The following SMAD6 variants were observed in gnomAD, a reference collection of about 807,000 sequenced individuals.
SMAD6 encodes the protein MAD homolog 6.
A neutral mutation model predicts 39.4 loss-of-function variants in SMAD6; 103 were observed. The ratio of observed to expected loss-of-function variants is 2.62; its 90% CI spans 2.23 to 3.08. The LOEUF (loss-of-function observed/expected upper bound fraction) is 3.08, where lower values mean the gene tolerates loss of function less well. Among genes scored for constraint, SMAD6 ranks in the 30% most tolerant of loss-of-function variants. The pLI is 0.00. For synonymous variants in SMAD6, 445 were observed against 353.3 expected (o/e 1.26, Z -2.91); for missense variants, 1,104 against 742.9 (o/e 1.49, Z -5.65).
At chr15:66,707,103 C>G (rs188628789) in intron 1 of SMAD6, 111 of 152,296 alleles carry the variant, frequency 7.3e-4, no homozygotes, top group African/African-American at 2.5e-3. Context: ...CTGCCTCCCC[C>G]TTGGGTGTCT....
intron 2 of SMAD6, among the ~76,000 whole-genome samples, chr15:66,716,132 G>A (rs1005898294): frequency 6.6e-6 from 1 of 152,146 alleles, no homozygotes; most frequent in Non-Finnish European, 1.5e-5. Context: ...CTACTTGCTC[G>A]GTCCCCTGAA....
intron 3 of SMAD6, among the ~76,000 whole-genome samples, chr15:66,770,312 G>A (rs1415303727): frequency 1.3e-5 from 2 of 152,192 alleles, no homozygotes; most frequent in East Asian, 3.9e-4. Flanking sequence ...TGCCTGAGAT[G>A]AGAACTCAGG....
chr15:66,710,169 G>A (rs1190097538), intron 1 of SMAD6, among the ~76,000 whole-genome samples: 2 of 152,088 alleles, frequency 1.3e-5, no homozygotes, highest in South Asian at 2.1e-4. Context: ...TGTAAAATGG[G>A]GATAATAATG....
chr15:66,704,329 A>C (rs1320967184), intron 1 of SMAD6: 2 of 351,130 alleles, frequency 5.7e-6, no homozygotes. Context: ...TTCTCTGTGC[A>C]GTTTCAGGGA....
In SMAD6 at chr15:66,781,373, C is replaced by T. The variant is rs960116260; in HGVS notation, c.1329C>T (p.Arg443=). ...GYSIKVFDFE[R]SGLQHAPEPD... Reference sequence around the variant, plus strand: ...CCATCAAGGTGTTCGACTTCGAGCGCTCGGGCCTGCAGCACGCGCCCGAGC... The same window carrying T: ...CCATCAAGGTGTTCGACTTCGAGCGTTCGGGCCTGCAGCACGCGCCCGAGC... Residue 443 remains arginine, a synonymous_variant, in exon 4 of 4, where the codon CGC becomes CGT. Coordinates refer to ENST00000288840, the MANE Select transcript of SMAD6 (RefSeq NM_005585.5). 9 of 1,600,718 alleles carry T rather than the reference C, an allele frequency of 5.6e-6. No homozygotes were observed. The highest frequency in any genetic ancestry group is 7.6e-6 in the Non-Finnish European group (9 of 1,176,662).
Position 66,703,518 on chromosome 15 carries a change from G to A in SMAD6, c.260G>A (p.Gly87Glu). 1 of 1,222,410 alleles carries A rather than the reference G, an allele frequency of 8.2e-7. No individual in the cohort carries two copies. 75.7% of individuals were successfully genotyped at this position (1,222,410 alleles called of 1,614,324 possible). The change falls in exon 1 of 4, where the codon GGG becomes GAG. Residue 87 changes from glycine to glutamate, a missense_variant. Gly to Glu is a moderately conservative substitution (Grantham distance 98). Coordinates refer to ENST00000288840, the MANE Select transcript of SMAD6 (RefSeq NM_005585.5). ...GGCGCGGGGAGGCGCCGGCGCGCAGGGGGCCCCCCGAGGCCCATGTCGGAG... is the reference window on the plus strand; with the variant it reads ...GGCGCGGGGAGGCGCCGGCGCGCAGAGGGCCCCCCGAGGCCCATGTCGGAG... The part of the protein sequence containing the change: ...AQGAGRRRRA[G>E]GPPRPMSEPG...
chr15:66,716,259 G>C (rs1345583914), intron 2 of SMAD6, among the ~76,000 whole-genome samples, 162 bp from the exon 3 acceptor site: 1 of 152,194 alleles, frequency 6.6e-6, no homozygotes, highest in Non-Finnish European at 1.5e-5. Flanking sequence ...GTGATCCTGA[G>C]ATGGGGTTAC....
chr15:66,779,880 CAGAGCTGTG>C (rs1158719669), intron 3 of SMAD6, among the ~76,000 whole-genome samples: 1 of 152,244 alleles, frequency 6.6e-6, no homozygotes, highest in Non-Finnish European at 1.5e-5. Context: ...GCCTGCTTCT[CAGAGCTGTG>C]AGCTCAAAGG....
rs1455249230 is a variant in SMAD6, at chr15:66,780,988, G to A, written c.953-9G>A. The A allele has an allele frequency of 1.1e-5, 17 of 1,554,198 alleles. No individual in the cohort carries two copies. In the South Asian group the frequency reaches 2.0e-4, roughly 18 times the overall value. ...GAATAACGCGGCGGTCCCTGTGCTTGTCCCGCAGACGCCAGCATGTCTCCG... is the reference window on the plus strand; with the variant it reads ...GAATAACGCGGCGGTCCCTGTGCTTATCCCGCAGACGCCAGCATGTCTCCG... On this transcript the variant is annotated splice_polypyrimidine_tract_variant and intron_variant, in intron 3 of 3. Coordinates refer to ENST00000288840, the MANE Select transcript of SMAD6 (RefSeq NM_005585.5).
At chr15:66,759,332 G>C (rs1193778013) in intron 3 of SMAD6, among the ~76,000 whole-genome samples, 1 of 118,322 alleles carries the variant, frequency 8.5e-6, no homozygotes, top group Non-Finnish European at 1.8e-5. Context: ...ACTGGACAGA[G>C]AGGAAGAGAG....
rs1893036848 is a variant in SMAD6, at chr15:66,703,746, C to CGCG, written c.491_493dup (p.Arg164dup). 1.4e-6 allele frequency: 2 copies of CGCG among 1,384,980 alleles called. No homozygotes were observed. Among genetic ancestry groups the CGCG allele is most frequent in the Non-Finnish European group, 1.9e-6 (2 of 1,056,436 alleles). 85.8% of individuals were successfully genotyped at this position (1,384,980 alleles called of 1,614,324 possible). A position where few individuals can be genotyped will look rare whatever the true frequency, so the allele number is the denominator to read the frequency against. On this transcript the variant is annotated inframe_insertion, in exon 1 of 4. Coordinates refer to ENST00000288840, the MANE Select transcript of SMAD6 (RefSeq NM_005585.5). The stretch of plus-strand genomic sequence containing the variant: ...GGCGGGCGGAGTCGCGAAGCGCGCT[C>CGCG]GCGGCTGCTGCTGCTGGAGCAGGAA...
In SMAD6 at chr15:66,703,821, TG is replaced by T; in HGVS notation, c.565del (p.Asp189ThrfsTer53). On this transcript the variant is annotated frameshift_variant, in exon 1 of 4. Transcript: ENST00000288840. LOFTEE classifies it high-confidence loss of function. Reference protein sequence around the residue: ...SLLKRLKERSLDTLLEAVESR... With the variant: ...SLLKRLKERSXDTLLEAVESR... ...CTGAAGCGGCTCAAGGAGCGCTCGC[TG>T]GACACGCTGCTGGAGGCGGTGGAGT... The T allele has an allele frequency of 7.0e-7, 1 of 1,421,522 alleles. No individual in the cohort carries two copies. 88.1% of individuals were successfully genotyped at this position (1,421,522 alleles called of 1,614,324 possible). A position where few individuals can be genotyped will look rare whatever the true frequency, so the allele number is the denominator to read the frequency against.
At chr15:66,705,382 C>T (rs148680810) in intron 1 of SMAD6, 2,359 of 152,214 alleles carry the variant, frequency 0.015, 33 homozygotes, top group Non-Finnish European at 0.022. Context: ...CCCTCATGGT[C>T]ACTCCAGTCC....
intron 3 of SMAD6, among the ~76,000 whole-genome samples, chr15:66,753,553 A>G (rs1182992369): frequency 6.6e-6 from 1 of 152,142 alleles, no homozygotes. Context: ...TTGAGAAGGG[A>G]AGCGACTTAC....
At chr15:66,759,452 G>T (rs1210263715) in intron 3 of SMAD6, among the ~76,000 whole-genome samples, 1 of 152,150 alleles carries the variant, frequency 6.6e-6, no homozygotes, top group African/African-American at 2.4e-5. Context: ...CTATAGCGAT[G>T]AATTCTGAGA....
chr15:66,719,020 G>A (rs759038361), intron 3 of SMAD6, among the ~76,000 whole-genome samples: 16 of 152,156 alleles, frequency 1.1e-4, no homozygotes, highest in Non-Finnish European at 2.4e-4. Flanking sequence ...GACATTTATC[G>A]ACACTCACTA....
chr15:66,712,113 TA>T (rs1478557318), intron 2 of SMAD6, among the ~76,000 whole-genome samples: 2 of 152,212 alleles, frequency 1.3e-5, no homozygotes, highest in African/African-American at 4.8e-5. Context: ...GTGTATTAAT[TA>T]GTAGTATGAC....
intron 3 of SMAD6, among the ~76,000 whole-genome samples, chr15:66,731,092 A>G (rs939617440): frequency 6.6e-6 from 1 of 152,216 alleles, no homozygotes; most frequent in Non-Finnish European, 1.5e-5. Context: ...TTTTATAATT[A>G]TGTAACCATT....
chr15:66,721,625 G>A (rs1021416929), intron 3 of SMAD6, among the ~76,000 whole-genome samples: 2 of 152,166 alleles, frequency 1.3e-5, no homozygotes, highest in African/African-American at 2.4e-5. Flanking sequence ...GTAAAATGGG[G>A]TTGATAATAA....
Sources: allele counts gnomAD v4.1 joint callset (sites outside exome capture counted in the v4.1 genomes callset), GRCh38; gene constraint gnomAD v4.1.1; transcripts MANE v1.5; gene names NCBI Gene and HGNC (gene_info 2026-07-23, HGNC 2026-07-21).